AFAP1: variants seen among roughly 807,000 people sequenced by gnomAD.
AFAP1 encodes actin filament-associated protein 1.
A neutral mutation model predicts 93.9 loss-of-function variants in AFAP1; 75 were observed. That is an observed-to-expected ratio of 0.80 (90% CI 0.66 to 0.97). AFAP1 has a LOEUF of 0.97. AFAP1 is among the 50% of genes least tolerant of loss of function. The probability of loss-of-function intolerance (pLI) is 0.00; values close to 1 mark genes in which losing one functional copy is unlikely to be tolerated. For synonymous variants in AFAP1, 517 were observed against 430.7 expected, an observed-to-expected ratio of 1.20 and a Z score of -2.48; for missense variants, 1,201 against 1,050.8, an observed-to-expected ratio of 1.14 and a Z score of -1.98.
At chr4:7,815,146 A>C (rs143815909) in intron 8 of AFAP1, among the ~76,000 whole-genome samples, 1 of 152,340 alleles carries the variant, frequency 6.6e-6, no homozygotes, top group East Asian at 1.9e-4. Context: ...AAGTGGAATA[A>C]GCACTCACAG....
Position 7,765,310 on chromosome 4 carries a change from T to C in AFAP1, c.2419-1519A>G, listed in dbSNP as rs149022722. 6.0e-3 allele frequency among the ~76,000 whole-genome samples: 910 copies of C among 152,306 alleles called. 6 individuals carry two copies. The highest frequency in any genetic ancestry group is 0.017 in the Middle Eastern group (5 of 294). The stretch of plus-strand genomic sequence containing the variant: ...TGCCTGTTCTCCACCTGATGTCACC[T>C]GGCCAGCCTCATGCATCCTGAGGAC... On this transcript the variant is annotated intron_variant, in intron 17 of 17. Transcript: ENST00000420658.
At chr4:7,851,041 C>T (rs1714378860) in intron 4 of AFAP1, among the ~76,000 whole-genome samples, 3 of 152,068 alleles carry the variant, frequency 2.0e-5, no homozygotes, top group African/African-American at 7.2e-5. Context: ...CTGATGAAAC[C>T]CTCACTGCTC....
Position 7,786,264 on chromosome 4 carries a change from G to A in AFAP1, c.1460C>T (p.Thr487Ile), listed in dbSNP as rs138509764. The change falls in exon 12 of 18, where the codon ACC (threonine) becomes ATC (isoleucine). Residue 487 changes from threonine to isoleucine, a missense_variant. Thr to Ile is a moderately conservative substitution (Grantham distance 89). Coordinates refer to ENST00000420658, the MANE Select transcript of AFAP1 (RefSeq NM_001134647.2). The stretch of plus-strand genomic sequence containing the variant: ...GCTGGGGTGGGCATAGCCGTTGGAG[G>A]TGCCCCCTAGATATGGGTTAGCAGA... Reference protein sequence around the residue: ...VISANPYLGGTSNGYAHPSGT... With the variant: ...VISANPYLGGISNGYAHPSGT... The A allele has an allele frequency of 9.1e-5, 147 of 1,614,172 alleles. 1 individual carries two copies. In the African/African-American group the frequency reaches 1.5e-3, roughly 17 times the overall value.
At chr4:7,847,798 T>C (rs28569344) in intron 4 of AFAP1, among the ~76,000 whole-genome samples, 1 of 142,630 alleles carries the variant, frequency 7.0e-6, no homozygotes, top group African/African-American at 2.8e-5. Context: ...GTACTCGGGG[T>C]GGGGCATTGA....
At chr4:7,811,568 CT>C (rs1330199529) in intron 8 of AFAP1, among the ~76,000 whole-genome samples, 1 of 152,158 alleles carries the variant, frequency 6.6e-6, no homozygotes, top group East Asian at 1.9e-4. Flanking sequence ...GAACATACCC[CT>C]GGTGTCTCCT....
intron 7 of AFAP1, among the ~76,000 whole-genome samples, chr4:7,817,345 G>A (rs1286381704): frequency 1.3e-5 from 2 of 152,194 alleles, no homozygotes; most frequent in Admixed American, 6.5e-5. Context: ...GCTCACACCT[G>A]TAATCCCAGC....
Position 7,795,319 on chromosome 4 carries a change from T to C in AFAP1, c.1267-1493A>G, listed in dbSNP as rs529144365. 1.0e-4 allele frequency among the ~76,000 whole-genome samples: 15 copies of C among 149,344 alleles called. No homozygotes were observed. In the South Asian group the frequency reaches 2.5e-3, roughly 25 times the overall value. On this transcript the variant is annotated intron_variant, in intron 10 of 17. Coordinates refer to ENST00000420658, the MANE Select transcript of AFAP1 (RefSeq NM_001134647.2). Reference sequence around the variant, plus strand: ...AGAATCAGTGTTTGCCAAATTAAAATGAACTGATTTGAATACCTGGATTAA... The same window carrying C: ...AGAATCAGTGTTTGCCAAATTAAAACGAACTGATTTGAATACCTGGATTAA...
At chr4:7,767,667 C>A (rs950121813) in intron 17 of AFAP1, among the ~76,000 whole-genome samples, 5 of 152,248 alleles carry the variant, frequency 3.3e-5, no homozygotes, top group Admixed American at 2.6e-4. Context: ...TGGGGACAAC[C>A]ATGTTTCTCA....
chr4:7,887,808 T>C (rs992278779), intron 1 of AFAP1, among the ~76,000 whole-genome samples: 2 of 150,376 alleles, frequency 1.3e-5, no homozygotes, highest in East Asian at 1.9e-4. Context: ...GTCATACTAT[T>C]TGTTTTTATT....
At chr4:7,801,571 T>C (rs1719032730) in intron 9 of AFAP1, among the ~76,000 whole-genome samples, 1 of 152,098 alleles carries the variant, frequency 6.6e-6, no homozygotes, top group Non-Finnish European at 1.5e-5. Flanking sequence ...ACCATAATGC[T>C]AGTAAATTAC....
chr4:7,907,794 T>C (rs558205752), intron 1 of AFAP1, among the ~76,000 whole-genome samples: 1 of 152,200 alleles, frequency 6.6e-6, no homozygotes, highest in Non-Finnish European at 1.5e-5. Flanking sequence ...TAAGGGATAT[T>C]CAATCTGCAT....
intron 7 of AFAP1, among the ~76,000 whole-genome samples, chr4:7,818,342 T>C (rs867450867): frequency 2.6e-5 from 4 of 152,298 alleles, no homozygotes; most frequent in South Asian, 2.1e-4. Context: ...TGCTTCTACA[T>C]ACATACATCC....
In AFAP1 at chr4:7,796,749, C is replaced by CA. The variant is rs71647622; in HGVS notation, c.1267-2924dup. On this transcript the variant is annotated intron_variant, in intron 10 of 17. Coordinates refer to ENST00000420658, the MANE Select transcript of AFAP1 (RefSeq NM_001134647.2). ...CTGGGCAACAGAGTGAGACTTGTCT[C>CA]AAAAAAAAAAAAACAAAAAAAAACT... Among the ~76,000 whole-genome samples the CA allele has an allele frequency of 9.5e-3, 915 of 96,554 alleles. 7 individuals carry two copies. Among genetic ancestry groups the CA allele is most frequent in the East Asian group, 0.035 (106 of 3,040 alleles). 63.3% of individuals were successfully genotyped at this position (96,554 alleles called of 152,430 possible).
At chr4:7,802,726 T>C (rs1451307176) in intron 9 of AFAP1, among the ~76,000 whole-genome samples, 1 of 150,232 alleles carries the variant, frequency 6.7e-6, no homozygotes, top group Non-Finnish European at 1.5e-5. Flanking sequence ...CTCAGCTCAC[T>C]GCAAGCTCTG....
intron 16 of AFAP1, among the ~76,000 whole-genome samples, chr4:7,771,750 G>C (rs1229633542): frequency 6.6e-6 from 1 of 152,150 alleles, no homozygotes; most frequent in Non-Finnish European, 1.5e-5. Context: ...CTGGGTTTGT[G>C]GTTTGGGGAC....
chr4:7,858,689 C>T (rs549380819), intron 3 of AFAP1, among the ~76,000 whole-genome samples: 2 of 152,286 alleles, frequency 1.3e-5, no homozygotes, highest in South Asian at 2.1e-4. Context: ...AAGACGCAGG[C>T]GCACAGCCAC....
chr4:7,913,164 G>T (rs1435765121), intron 1 of AFAP1, among the ~76,000 whole-genome samples: 1 of 152,204 alleles, frequency 6.6e-6, no homozygotes, highest in Non-Finnish European at 1.5e-5. Context: ...TGAAGCAGGA[G>T]AATCACTTGA....
intron 7 of AFAP1, among the ~76,000 whole-genome samples, chr4:7,817,821 A>G (rs1720617799): frequency 6.6e-6 from 1 of 152,124 alleles, no homozygotes; most frequent in African/African-American, 2.4e-5. Flanking sequence ...AAACCATTAA[A>G]AAAAAACCTT....
chr4:7,822,579 CTTTTTTCTTTTT>C (rs1270069046), intron 6 of AFAP1, among the ~76,000 whole-genome samples: 5 of 106,184 alleles, frequency 4.7e-5, no homozygotes, highest in Admixed American at 1.0e-4. Flanking sequence ...CTTTCTTTTT[CTTTTTTCTTTTT>C]TTTTTTTTTT....
Sources: allele counts gnomAD v4.1 joint callset (sites outside exome capture counted in the v4.1 genomes callset), GRCh38; gene constraint gnomAD v4.1.1; transcripts MANE v1.5; gene names NCBI Gene and HGNC (gene_info 2026-07-23, HGNC 2026-07-21).